The following GRM4 variants were observed in gnomAD, a reference collection of about 807,000 sequenced individuals.
GRM4 encodes glutamate metabotropic receptor 4.
A neutral mutation model predicts 81.7 loss-of-function variants in GRM4; 28 were observed. The observed-to-expected ratio is 0.34, with a 90% CI of 0.25 to 0.47. GRM4 has a LOEUF of 0.47. Ranked by LOEUF, GRM4 falls within the 20% of genes least tolerant of loss-of-function variation. GRM4 has a pLI of 1.00. For synonymous variants in GRM4, 488 were observed against 528.8 expected (o/e 0.92, Z 1.06); for missense variants, 948 against 1,290.0 (o/e 0.73, Z 4.06).
rs141992311 is a variant in GRM4 at position 34,075,887 on chromosome 6, G to A, written c.737-13859C>T. Reference sequence around the variant, plus strand: ...GTTTCCATGCTCAACCGACGATAGCGGAAATGAACCTAGTTTCTGACAATG... The same window carrying A: ...GTTTCCATGCTCAACCGACGATAGCAGAAATGAACCTAGTTTCTGACAATG... On this transcript the variant is annotated intron_variant, in intron 3 of 10. Transcript: ENST00000538487. 5.9e-5 allele frequency among the ~76,000 whole-genome samples: 9 copies of A among 152,304 alleles called. No homozygotes were observed. In the East Asian group the frequency reaches 7.7e-4, roughly 13 times the overall value.
In GRM4 at chr6:34,056,671, G is replaced by C; in HGVS notation, c.1041C>G (p.Tyr347Ter). Residue 347 changes from tyrosine to a stop codon, truncating the protein, a stop_gained, in exon 6 of 11, where the codon TAC becomes TAG. Transcript: ENST00000538487. LOFTEE classifies it high-confidence loss of function. ...TGTTGTCCAGCGTGCGGCTGGAGAAGTAGCGGTCGAAGCCTGGCAGGGAAC... is the reference window on the plus strand; with the variant it reads ...TGTTGTCCAGCGTGCGGCTGGAGAACTAGCGGTCGAAGCCTGGCAGGGAAC... ...KRMSVRGFDRYFSSRTLDNNR... is the reference protein window; with the variant it reads ...KRMSVRGFDR 1 of 1,613,478 alleles carries C rather than the reference G, an allele frequency of 6.2e-7. No individual in the cohort carries two copies. Among genetic ancestry groups the C allele is most frequent in the Non-Finnish European group, 8.5e-7 (1 of 1,179,828 alleles).
intron 2 of GRM4, among the ~76,000 whole-genome samples, chr6:34,120,009 G>C (rs1194557003): frequency 1.3e-5 from 2 of 152,236 alleles, no homozygotes; most frequent in African/African-American, 4.8e-5. Flanking sequence ...GCTGCCTCCA[G>C]GGCCAGGCTG....
At chr6:34,109,108 C>T (rs1160089791) in intron 2 of GRM4, among the ~76,000 whole-genome samples, 5 of 152,216 alleles carry the variant, frequency 3.3e-5, no homozygotes, top group African/African-American at 4.8e-5. Context: ...CCCATCAATG[C>T]CAAAGATCGA....
At chr6:34,106,914 T>C (rs1260205236) in intron 2 of GRM4, among the ~76,000 whole-genome samples, 2 of 152,248 alleles carry the variant, frequency 1.3e-5, no homozygotes, top group African/African-American at 4.8e-5. Flanking sequence ...AAGATTCTGT[T>C]GGGGGAAACT....
chr6:34,138,622 G>A (rs749373143), intron 1 of GRM4, among the ~76,000 whole-genome samples: 2 of 152,202 alleles, frequency 1.3e-5, no homozygotes, highest in Non-Finnish European at 2.9e-5. Context: ...GTGGTTTGTA[G>A]GACAGGACAG....
chr6:34,057,494 A>G (rs1226265494), intron 5 of GRM4, among the ~76,000 whole-genome samples: 2 of 152,178 alleles, frequency 1.3e-5, no homozygotes, highest in Non-Finnish European at 2.9e-5. Context: ...GGCACTGTGG[A>G]CGCTCTGGGC....
intron 6 of GRM4, among the ~76,000 whole-genome samples, chr6:34,043,017 C>T (rs75557403): frequency 0.024 from 3,718 of 152,214 alleles, 140 homozygotes; most frequent in African/African-American, 0.081. Context: ...CATAGAACCA[C>T]AACACTAGGG....
intron 3 of GRM4, among the ~76,000 whole-genome samples, chr6:34,083,069 G>A (rs1767687383): frequency 6.6e-6 from 1 of 152,218 alleles, no homozygotes; most frequent in Non-Finnish European, 1.5e-5. Flanking sequence ...CTGTCAGGAG[G>A]GAAGAGATGC....
intron 2 of GRM4, among the ~76,000 whole-genome samples, chr6:34,107,031 G>C (rs1769159311): frequency 1.3e-5 from 2 of 152,376 alleles, no homozygotes; most frequent in African/African-American, 2.4e-5. Flanking sequence ...CAGGTGGCTG[G>C]AGGCTGGCCC....
In GRM4 at chr6:34,155,386, G is replaced by A; in HGVS notation, c.5C>T (p.Pro2Leu). Reference sequence around the variant, plus strand: ...AGCTGCAACTCCAGGCTCCCAAGCCGGCATCCTCCCACTCTCAGCATCTCC... The same window carrying A: ...AGCTGCAACTCCAGGCTCCCAAGCCAGCATCCTCCCACTCTCAGCATCTCC... Residue 2 changes from proline to leucine, a missense_variant, in exon 1 of 9, where the codon CCG (proline) becomes CTG (leucine). Physicochemically the swap from Pro to Leu is moderately conservative, Grantham distance 98. Coordinates refer to the GRM4 transcript ENST00000374177. 2.7e-6 allele frequency: 4 copies of A among 1,495,536 alleles called. No individual in the cohort carries two copies. The South Asian group carries it at 5.2e-5, about 19-fold the overall frequency. The allele number at this position is 1,495,536 out of a possible 1,614,324, so 92.6% of individuals were successfully genotyped here. A position where few individuals can be genotyped will look rare whatever the true frequency, so the allele number is the denominator to read the frequency against.
rs532023805 is a variant in GRM4 at position 34,103,868 on chromosome 6, G to A, written c.520-11769C>T. 47 of 1,410,136 alleles carry A rather than the reference G, an allele frequency of 3.3e-5. No individual in the cohort carries two copies. The South Asian group carries it at 5.6e-4, about 17-fold the overall frequency. 87.4% of individuals were successfully genotyped at this position (1,410,136 alleles called of 1,614,324 possible). The stretch of plus-strand genomic sequence containing the variant: ...GTCAGGCACTGCGAGGGTCCCGAGG[G>A]AGAATGAGTGTTACAGAAGCCTGGG... On this transcript the variant is annotated intron_variant, in intron 2 of 10. Coordinates refer to ENST00000538487, the MANE Select transcript of GRM4 (RefSeq NM_000841.4).
Position 34,022,646 on chromosome 6 carries a change from G to A in GRM4, c.*175C>T. The A allele has an allele frequency of 6.4e-6, 4 of 624,294 alleles. No homozygotes were observed. Among genetic ancestry groups the A allele is most frequent in the Non-Finnish European group, 5.8e-6 (2 of 347,358 alleles). 38.7% of individuals were successfully genotyped at this position (624,294 alleles called of 1,614,324 possible). The stretch of plus-strand genomic sequence containing the variant: ...CCCTCGTCCTCCTGTTGCTCACCCG[G>A]TTTGCCCAGGCTGCCAGCAGTGATG... On this transcript the variant is annotated 3_prime_UTR_variant, in exon 11 of 11. Transcript: ENST00000538487. This position sits in a 1 kb window ranked among gnomAD's most constrained non-coding sequence, Gnocchi z 5.6.
At chr6:34,093,651 G>A (rs1284826008) in intron 2 of GRM4, among the ~76,000 whole-genome samples, 14 of 152,130 alleles carry the variant, frequency 9.2e-5, no homozygotes, top group Non-Finnish European at 1.5e-4. Flanking sequence ...TCAATGCATA[G>A]TAGGTCCCAC....
chr6:34,064,876 A>G lies in GRM4; in HGVS notation c.737-2848T>C, dbSNP rs1317250037. On this transcript the variant is annotated intron_variant, in intron 3 of 10. Transcript: ENST00000538487. The surrounding 1 kb of genome is among the most constrained non-coding windows in gnomAD (Gnocchi z 4.4). ...TAATATCCCCATCTCACAGATGAGG[A>G]AACTGAGGCTCAGGTTGCTAAATAG... 6.6e-6 allele frequency among the ~76,000 whole-genome samples: 1 copy of G among 152,164 alleles called. No individual in the cohort carries two copies. The highest frequency in any genetic ancestry group is 2.4e-5 in the African/African-American group (1 of 41,410).
At chr6:34,058,677 C>T (rs975551220) in intron 5 of GRM4, among the ~76,000 whole-genome samples, 3 of 152,190 alleles carry the variant, frequency 2.0e-5, no homozygotes, top group Non-Finnish European at 2.9e-5. Context: ...TGTCCTGTAG[C>T]CCCGGCAGGG....
intron 2 of GRM4, among the ~76,000 whole-genome samples, chr6:34,117,138 A>G (rs1561822652): frequency 1.3e-5 from 2 of 152,232 alleles, no homozygotes; most frequent in Non-Finnish European, 2.9e-5. Context: ...TGTATCTTAC[A>G]GTGTATAAGT....
intron 9 of GRM4, among the ~76,000 whole-genome samples, chr6:34,029,332 C>G (rs1021376826): frequency 6.6e-6 from 1 of 152,162 alleles, no homozygotes; most frequent in Non-Finnish European, 1.5e-5. Context: ...TGACCCCCAG[C>G]TCTATGGGCC....
Position 34,048,832 on chromosome 6 carries a change from C to T in GRM4, c.1168+7712G>A, listed in dbSNP as rs1055661913. Among the ~76,000 whole-genome samples, 1 of 152,110 alleles carries T rather than the reference C, an allele frequency of 6.6e-6. No homozygotes were observed. The highest frequency in any genetic ancestry group is 1.5e-5 in the Non-Finnish European group (1 of 68,018). ...TGGTAAGCCGTGCTTGCTTCCTCTT[C>T]GCCTTCCACCATGATTGTAAGTTTC... On this transcript the variant is annotated intron_variant, in intron 6 of 10. Coordinates refer to ENST00000538487, the MANE Select transcript of GRM4 (RefSeq NM_000841.4). This position sits in a 1 kb window ranked among gnomAD's most constrained non-coding sequence, Gnocchi z 4.0.
At chr6:34,041,210 C>G (rs1481096856) in intron 6 of GRM4, among the ~76,000 whole-genome samples, 2 of 152,176 alleles carry the variant, frequency 1.3e-5, no homozygotes, top group Non-Finnish European at 2.9e-5. Context: ...CTTAAAGCCA[C>G]TCACCCATGG....
Sources: gnomAD v4.1 joint callset for allele counts (sites outside exome capture counted in the v4.1 genomes callset) on GRCh38, gnomAD v4.1.1 for gene constraint, Gnocchi (gnomAD v3.1) non-coding constraint, MANE v1.5 for transcripts, NCBI Gene and HGNC (gene_info 2026-07-23, HGNC 2026-07-21) for gene names.